TMEM132E: variants seen among roughly 807,000 people sequenced by gnomAD.
TMEM132E encodes transmembrane protein 132E.
A neutral mutation model predicts 78.5 loss-of-function variants in TMEM132E; 49 were observed. The ratio of observed to expected loss-of-function variants is 0.62; its 90% confidence interval spans 0.50 to 0.79. TMEM132E has a LOEUF of 0.79. TMEM132E is among the 30% of genes least tolerant of loss of function. The probability of loss-of-function intolerance (pLI) is 0.00; values close to 1 mark genes in which losing one functional copy is unlikely to be tolerated. For synonymous variants in TMEM132E, 715 were observed against 670.6 expected (o/e 1.07, Z -1.02); for missense variants, 1,403 against 1,470.9 (o/e 0.95, Z 0.75).
In TMEM132E at chr17:34,637,962, C is replaced by T. The variant is rs1907593733; in HGVS notation, c.2955C>T (p.Gly985=). Residue 985 remains glycine (G), a synonymous_variant, in exon 9 of 9, where the codon GGC becomes GGT. Coordinates refer to ENST00000631683, the MANE Select transcript of TMEM132E (RefSeq NM_001304438.2). ...SQTSVQSQVH[G]RGDGSSGGSA... ...CCAGCGTCCAGAGCCAGGTGCACGGCAGGGGCGACGGCTCCTCGGGCGGCT... is the reference window on the plus strand; with the variant it reads ...CCAGCGTCCAGAGCCAGGTGCACGGTAGGGGCGACGGCTCCTCGGGCGGCT... The T allele has an allele frequency of 6.2e-7, 1 of 1,602,610 alleles. No homozygotes were observed. The highest frequency in any genetic ancestry group is 2.3e-5 in the East Asian group (1 of 44,382).
intron 1 of TMEM132E, among the ~76,000 whole-genome samples, chr17:34,605,760 G>A (rs1224697123): frequency 6.6e-6 from 1 of 152,160 alleles, no homozygotes; most frequent in African/African-American, 2.4e-5. Context: ...GTTGCTTTAG[G>A]CTGGGTTCAG....
At chr17:34,607,567 A>C (rs934938859) in intron 1 of TMEM132E, among the ~76,000 whole-genome samples, 1 of 152,126 alleles carries the variant, frequency 6.6e-6, no homozygotes, top group Non-Finnish European at 1.5e-5. Context: ...AACTGCCTGG[A>C]GTTAACACAG....
intron 1 of TMEM132E, among the ~76,000 whole-genome samples, chr17:34,600,927 G>A (rs969088473): frequency 2.0e-5 from 3 of 152,170 alleles, no homozygotes; most frequent in African/African-American, 7.2e-5. Context: ...CTAGGCCCTC[G>A]CCAGCTCACG....
intron 1 of TMEM132E, among the ~76,000 whole-genome samples, chr17:34,616,981 T>C (rs1906802980): frequency 6.6e-6 from 1 of 152,220 alleles, no homozygotes; most frequent in African/African-American, 2.4e-5. Context: ...CCTTGAGCTG[T>C]GCATCTTTGT....
intron 1 of TMEM132E, among the ~76,000 whole-genome samples, chr17:34,606,816 G>C (rs980570244): frequency 4.6e-5 from 7 of 152,178 alleles, no homozygotes; most frequent in African/African-American, 1.7e-4. Context: ...TGTGTGACCT[G>C]CCTGGCTGCA....
Position 34,613,211 on chromosome 17 carries a change from A to ACACACACGCGCGCG in TMEM132E, c.68-12915_68-12914insACACACGCGCGCGC. 5.6e-3 allele frequency among the ~76,000 whole-genome samples: 645 copies of ACACACACGCGCGCG among 115,904 alleles called. 6 individuals carry two copies. The highest frequency in any genetic ancestry group is 8.8e-3 in the Admixed American group (89 of 10,100). The allele number at this position is 115,904 out of a possible 152,430, so 76.0% of individuals were successfully genotyped here. A position where few individuals can be genotyped will look rare whatever the true frequency, so the allele number is the denominator to read the frequency against. The stretch of plus-strand genomic sequence containing the variant: ...CACACACACACCCACACACACACAC[A>ACACACACGCGCGCG]CGCGCGCGCGCGCGCGTTCTTACAT... On this transcript the variant is annotated intron_variant, in intron 1 of 8. Transcript: ENST00000631683.
In TMEM132E at chr17:34,633,710, T is replaced by G. The variant is rs1226526313; in HGVS notation, c.1688+801T>G. Among the ~76,000 whole-genome samples, 3 of 152,018 alleles carry G rather than the reference T, an allele frequency of 2.0e-5. No individual in the cohort carries two copies. The East Asian group carries it at 5.8e-4, about 29-fold the overall frequency. ...TTCAACTCAGAGAGATTTGGAAGAG[T>G]AAGGTGTGTAGACCAGTGCCTCTCA... On this transcript the variant is annotated intron_variant, in intron 6 of 8. Transcript: ENST00000631683.
chr17:34,599,147 A>G (rs1906149629), intron 1 of TMEM132E, among the ~76,000 whole-genome samples: 1 of 152,166 alleles, frequency 6.6e-6, no homozygotes. Flanking sequence ...GATGGGTGGG[A>G]GTGAGGTTCC....
intron 1 of TMEM132E, among the ~76,000 whole-genome samples, chr17:34,617,271 C>A (rs1339758166): frequency 8.5e-5 from 13 of 152,242 alleles, no homozygotes; most frequent in Admixed American, 7.8e-4. Flanking sequence ...AGTGACAGAG[C>A]TTTCTGGGCC....
At position 34,626,169 on chromosome 17, in the gene TMEM132E, C is replaced by T. The variant is rs372634022; in HGVS notation, c.110C>T (p.Pro37Leu). Residue 37 changes from proline to leucine, a missense_variant, in exon 2 of 9, where the codon CCG (proline) becomes CTG (leucine). Coordinates refer to ENST00000631683, the MANE Select transcript of TMEM132E (RefSeq NM_001304438.2). ...SHPASPSPPGPQASPVLPVSY... is the reference protein window; with the variant it reads ...SHPASPSPPGLQASPVLPVSY... ...CCGGCCAGCCCCAGCCCGCCGGGGC[C>T]GCAGGCCAGCCCGGTGCTGCCAGTC... is the stretch of plus-strand genomic sequence containing the variant. The T allele has an allele frequency of 4.4e-5, 68 of 1,556,600 alleles. 1 individual carries two copies. The highest frequency in any genetic ancestry group is 1.2e-4 in the South Asian group (10 of 83,794).
intron 8 of TMEM132E, 77 bp from the exon 9 acceptor site, chr17:34,637,100 A>T: frequency 7.4e-7 from 1 of 1,343,232 alleles, no homozygotes; most frequent in Non-Finnish European, 1.0e-6. Context: ...CCCTGCCCCT[A>T]CAGAGCCCAG....
At chr17:34,621,227 G>T (rs558419981) in intron 1 of TMEM132E, among the ~76,000 whole-genome samples, 6 of 152,298 alleles carry the variant, frequency 3.9e-5, no homozygotes, top group Non-Finnish European at 7.4e-5. Flanking sequence ...TGGCTTAACA[G>T]AAATTTATTT....
At chr17:34,588,136 A>G (rs1215964894) in intron 1 of TMEM132E, among the ~76,000 whole-genome samples, 1 of 152,088 alleles carries the variant, frequency 6.6e-6, no homozygotes, top group Non-Finnish European at 1.5e-5. Context: ...GCTCTTTTGC[A>G]TGTCACAGTC....
At chr17:34,594,634 C>G (rs1337378777) in intron 1 of TMEM132E, among the ~76,000 whole-genome samples, 1 of 152,188 alleles carries the variant, frequency 6.6e-6, no homozygotes, top group Non-Finnish European at 1.5e-5. Flanking sequence ...ATTTTAGAGA[C>G]AGGGTCTTGC....
At chr17:34,632,349 G>A (rs376866894) in intron 5 of TMEM132E, among the ~76,000 whole-genome samples, 6 of 152,318 alleles carry the variant, frequency 3.9e-5, no homozygotes, top group African/African-American at 7.2e-5. Flanking sequence ...CCAGAGCCCC[G>A]TCAGTCTTGC....
At chr17:34,629,265 G>T in intron 4 of TMEM132E, 61 bp downstream of exon 4, 1 of 1,558,936 alleles carries the variant, frequency 6.4e-7, no homozygotes, top group Non-Finnish European at 8.7e-7. Flanking sequence ...GCACATTTGT[G>T]TGACAAGAAT....
chr17:34,599,717 C>G (rs1167955481), intron 1 of TMEM132E, among the ~76,000 whole-genome samples: 1 of 152,022 alleles, frequency 6.6e-6, no homozygotes, highest in Non-Finnish European at 1.5e-5. Context: ...CCTAGAGATT[C>G]TGAATTCACT....
chr17:34,591,307 ATTTT>A, intron 1 of TMEM132E, among the ~76,000 whole-genome samples: 1 of 146,680 alleles, frequency 6.8e-6, no homozygotes, highest in South Asian at 2.2e-4. Context: ...CTCCCTCACT[ATTTT>A]TTTTTTTTTG....
chr17:34,616,041 C>T lies in TMEM132E; in HGVS notation c.68-10086C>T, dbSNP rs569713100. 2.0e-5 allele frequency among the ~76,000 whole-genome samples: 3 copies of T among 152,306 alleles called. No individual in the cohort carries two copies. The South Asian group carries it at 6.2e-4, about 32-fold the overall frequency. On this transcript the variant is annotated intron_variant, in intron 1 of 8. Coordinates refer to ENST00000631683, the MANE Select transcript of TMEM132E (RefSeq NM_001304438.2). ...GTGAAGCCACTTGCCCATGATCACA[C>T]AGCTAAGAAATGACAGAGCCAGCCT...
Sources: gnomAD v4.1 joint callset for allele counts (sites outside exome capture counted in the v4.1 genomes callset) on GRCh38, gnomAD v4.1.1 for gene constraint, MANE v1.5 for transcripts, NCBI Gene and HGNC (gene_info 2026-07-23, HGNC 2026-07-21) for gene names.